IGSF21: variants seen among roughly 807,000 people sequenced by gnomAD.
IGSF21 encodes immunoglobulin superfamily member 21.
A neutral mutation model predicts 46.8 loss-of-function variants in IGSF21; 28 were observed. The observed-to-expected ratio is 0.60, with a 90% CI of 0.44 to 0.82. IGSF21 has a LOEUF of 0.82. Ranked by LOEUF, IGSF21 falls within the 40% of genes least tolerant of loss-of-function variation. The probability of loss-of-function intolerance (pLI) is 0.00; values close to 1 mark genes in which losing one functional copy is unlikely to be tolerated. For synonymous variants in IGSF21, 284 were observed against 273.6 expected (o/e 1.04, Z -0.38); for missense variants, 624 against 665.5 (o/e 0.94, Z 0.69).
At chr1:18,244,950 A>G (rs1283104366) in intron 2 of IGSF21, among the ~76,000 whole-genome samples, 1 of 152,200 alleles carries the variant, frequency 6.6e-6, no homozygotes, top group Non-Finnish European at 1.5e-5. Flanking sequence ...TTAACAAGTT[A>G]CTTAACCTCT....
intron 2 of IGSF21, among the ~76,000 whole-genome samples, chr1:18,244,038 G>A (rs183382946): frequency 6.6e-5 from 10 of 152,320 alleles, no homozygotes; most frequent in African/African-American, 1.4e-4. Context: ...TCCAGATGGC[G>A]CTTGTTATCT....
intron 1 of IGSF21, among the ~76,000 whole-genome samples, chr1:18,218,149 T>C (rs558491133): frequency 2.6e-5 from 4 of 152,280 alleles, no homozygotes; most frequent in African/African-American, 7.2e-5. Flanking sequence ...ACAGGAAGCA[T>C]GGCTGGGAGG....
intron 1 of IGSF21, among the ~76,000 whole-genome samples, chr1:18,124,203 C>G (rs1196338705): frequency 6.6e-6 from 1 of 152,194 alleles, no homozygotes; most frequent in Admixed American, 6.5e-5. Flanking sequence ...CAGGTCCAGG[C>G]TCTCTTCTTC....
intron 2 of IGSF21, among the ~76,000 whole-genome samples, chr1:18,238,754 C>T (rs2084696622): frequency 6.6e-6 from 1 of 152,144 alleles, no homozygotes; most frequent in Non-Finnish European, 1.5e-5. Flanking sequence ...AAGGATAACA[C>T]ACTGATGGCT....
chr1:18,169,170 T>C (rs533276733), intron 1 of IGSF21, among the ~76,000 whole-genome samples: 9 of 152,366 alleles, frequency 5.9e-5, no homozygotes, highest in African/African-American at 1.7e-4. Context: ...AGAATTCACA[T>C]TGGGCCCCAA....
intron 2 of IGSF21, among the ~76,000 whole-genome samples, chr1:18,273,037 A>ATTTTTTTTTTTT (rs2085057685): frequency 1.2e-4 from 11 of 90,204 alleles, no homozygotes; most frequent in Middle Eastern, 6.8e-3. Flanking sequence ...AGCCAGACGG[A>ATTTTTTTTTTTT]TCTTTTTTTT....
At chr1:18,333,314 A>G (rs977936473) in intron 3 of IGSF21, among the ~76,000 whole-genome samples, 4 of 152,212 alleles carry the variant, frequency 2.6e-5, no homozygotes, top group Non-Finnish European at 5.9e-5. Flanking sequence ...GAAGACAGAC[A>G]TATTTCCCCA....
chr1:18,158,934 C>A (rs1440342865), intron 1 of IGSF21, among the ~76,000 whole-genome samples: 1 of 152,108 alleles, frequency 6.6e-6, no homozygotes, highest in Non-Finnish European at 1.5e-5. Flanking sequence ...TGGGCGTTAC[C>A]CCCAGAGGTA....
chr1:18,126,154 C>A (rs566999647), intron 1 of IGSF21, among the ~76,000 whole-genome samples: 67 of 152,228 alleles, frequency 4.4e-4, no homozygotes, highest in African/African-American at 1.5e-3. Context: ...CTTTGGGAGG[C>A]GAGAATGTGG....
At chr1:18,343,997 T>A (rs2085868431) in intron 4 of IGSF21, among the ~76,000 whole-genome samples, 1 of 152,134 alleles carries the variant, frequency 6.6e-6, no homozygotes, top group Non-Finnish European at 1.5e-5. Context: ...GTACAGAAGG[T>A]CCTGGGGGTA....
chr1:18,250,689 T>C (rs925168411), intron 2 of IGSF21, among the ~76,000 whole-genome samples: 1 of 152,152 alleles, frequency 6.6e-6, no homozygotes, highest in Non-Finnish European at 1.5e-5. Flanking sequence ...CAGTTTCCTC[T>C]TGTGCTAAGT....
At chr1:18,261,212 G>A (rs1051189554) in intron 2 of IGSF21, among the ~76,000 whole-genome samples, 10 of 152,208 alleles carry the variant, frequency 6.6e-5, no homozygotes, top group African/African-American at 2.4e-4. Flanking sequence ...GGACGCATGG[G>A]AAGCCCTTAG....
intron 2 of IGSF21, among the ~76,000 whole-genome samples, chr1:18,285,328 C>T (rs2085202458): frequency 2.0e-5 from 3 of 152,068 alleles, no homozygotes; most frequent in Non-Finnish European, 4.4e-5. Flanking sequence ...ACTAAGTCCA[C>T]CGGCCACGCT....
At position 18,291,871 on chromosome 1, in the gene IGSF21, G is replaced by A. The variant is rs147043770; in HGVS notation, c.189G>A (p.Thr63=). 7.7e-5 allele frequency: 125 copies of A among 1,613,888 alleles called. No individual in the cohort carries two copies. In the East Asian group the frequency reaches 8.2e-4, roughly 11 times the overall value. Residue 63 remains threonine (T), a synonymous_variant, in exon 3 of 10, where the codon ACG becomes ACA. Transcript: ENST00000251296. The stretch of plus-strand genomic sequence containing the variant: ...ATCTCTGTGCTCTGTGGCAGGTGAC[G>A]GATGGTGGCACCATCAAGCAAAAGA... ...RMREIVWYRV[T]DGGTIKQKIF...
At chr1:18,131,800 C>T (rs1237130536) in intron 1 of IGSF21, among the ~76,000 whole-genome samples, 2 of 152,144 alleles carry the variant, frequency 1.3e-5, no homozygotes, top group African/African-American at 4.8e-5. Context: ...GGACTGTCTT[C>T]TACTTCTTAT....
At chr1:18,205,407 C>T (rs1441025372) in intron 1 of IGSF21, among the ~76,000 whole-genome samples, 1 of 152,026 alleles carries the variant, frequency 6.6e-6, no homozygotes, top group South Asian at 2.1e-4. Context: ...AGGAAGCTAC[C>T]TTTCCAGCGA....
chr1:18,182,613 C>T (rs1374925824), intron 1 of IGSF21, among the ~76,000 whole-genome samples: 3 of 152,204 alleles, frequency 2.0e-5, no homozygotes, highest in Non-Finnish European at 4.4e-5. Flanking sequence ...TTAAGTGACT[C>T]ATTGTGAGAG....
chr1:18,333,198 G>T (rs1006401880), intron 3 of IGSF21, among the ~76,000 whole-genome samples: 2 of 152,190 alleles, frequency 1.3e-5, no homozygotes, highest in African/African-American at 2.4e-5. Flanking sequence ...AAGTCCATGG[G>T]TATGGATCCC....
At chr1:18,273,462 CTCTTTCTTTCTTTCTT>C (rs200010749) in intron 2 of IGSF21, among the ~76,000 whole-genome samples, 4,368 of 61,954 alleles carry the variant, frequency 0.071, 447 homozygotes, top group South Asian at 0.15. Context: ...TTCTTTCTCT[CTCTTTCTTTCTTTCTT>C]TCTTTCTTTC....
Sources: gnomAD v4.1 joint callset for allele counts (sites outside exome capture counted in the v4.1 genomes callset) on GRCh38, gnomAD v4.1.1 for gene constraint, MANE v1.5 for transcripts, NCBI Gene and HGNC (gene_info 2026-07-23, HGNC 2026-07-21) for gene names.